The following MICAL2 variants were observed in gnomAD, a reference collection of about 807,000 sequenced individuals.
MICAL2 encodes [F-actin]-monooxygenase MICAL2.
MICAL2 carries 77 observed loss-of-function variants against 127.3 expected under a neutral mutation model. That is an observed-to-expected ratio of 0.60 (90% CI 0.50 to 0.73). MICAL2 has a LOEUF of 0.73. Ranked by LOEUF, MICAL2 falls within the 30% of genes least tolerant of loss-of-function variation. MICAL2 has a pLI of 0.00. For synonymous variants in MICAL2, 570 were observed against 551.1 expected (o/e 1.03, Z -0.48); for missense variants, 1,351 against 1,434.4 (o/e 0.94, Z 0.94).
At chr11:12,267,078 G>T (rs1456244303), downstream of MICAL2, among the ~76,000 whole-genome samples, 9 of 152,228 alleles carry the variant, frequency 5.9e-5, no homozygotes, top group Admixed American at 5.9e-4. Context: ...CCAGGTTTCT[G>T]ATTCCCCAGC....
At chr11:12,222,858 G>A in intron 11 of MICAL2, 115 bp downstream of exon 11, 1 of 1,333,206 alleles carries the variant, frequency 7.5e-7, no homozygotes, top group Non-Finnish European at 1.0e-6. Context: ...GGCCACCAAG[G>A]CCTGCTGGCC....
At chr11:12,172,712 A>C (rs1271675790) in intron 3 of MICAL2, among the ~76,000 whole-genome samples, 1 of 152,096 alleles carries the variant, frequency 6.6e-6, no homozygotes, top group Non-Finnish European at 1.5e-5. Flanking sequence ...CAGCAAACTG[A>C]GAGAGGCTCC....
At chr11:12,357,019 G>C (rs1025402556) in intron 34 of MICAL2, among the ~76,000 whole-genome samples, 2 of 152,216 alleles carry the variant, frequency 1.3e-5, no homozygotes, top group East Asian at 3.9e-4. Flanking sequence ...TGGAGAGACC[G>C]AGCATGGGGC....
intron 34 of MICAL2, among the ~76,000 whole-genome samples, chr11:12,357,979 A>C (rs1939154230): frequency 6.6e-6 from 1 of 152,118 alleles, no homozygotes; most frequent in South Asian, 2.1e-4. Context: ...TTGTTTTGTT[A>C]GCTTCTCTTT....
intron 21 of MICAL2, among the ~76,000 whole-genome samples, chr11:12,244,542 A>C (rs1434510103): frequency 2.0e-5 from 3 of 152,240 alleles, no homozygotes; most frequent in African/African-American, 7.2e-5. Flanking sequence ...ATTTCACATG[A>C]TAAACTTAAC....
rs372270366 is a variant in MICAL2, at chr11:12,278,077, GGT to G, written c.87+1913_87+1914del. Among the ~76,000 whole-genome samples the G allele has an allele frequency of 2.8e-3, 424 of 152,294 alleles. 1 individual carries two copies. Among genetic ancestry groups the G allele is most frequent in the African/African-American group, 9.9e-3 (411 of 41,538 alleles). On this transcript the variant is annotated intron_variant, in intron 1 of 2. Transcript: ENST00000529028. Reference sequence around the variant, plus strand: ...GCTCACAGGACTGGAAGTTGCTCTGGGTGAGTGAGTGGGTGAGTGGTGTGTGA... The same window carrying G: ...GCTCACAGGACTGGAAGTTGCTCTGGGAGTGAGTGGGTGAGTGGTGTGTGA...
intron 32 of MICAL2, among the ~76,000 whole-genome samples, chr11:12,343,990 T>A (rs10500756): frequency 0.03 from 4,525 of 152,290 alleles, 161 homozygotes; most frequent in Admixed American, 0.1. Context: ...ATTAAGCCCC[T>A]GCTTTTGAAA....
At chr11:12,273,091 C>T (rs185473809), upstream of MICAL2, among the ~76,000 whole-genome samples, 1 of 152,318 alleles carries the variant, frequency 6.6e-6, no homozygotes, top group East Asian at 1.9e-4. Flanking sequence ...AAAGGTCATG[C>T]GCAACAGTGT....
intron 6 of MICAL2, among the ~76,000 whole-genome samples, chr11:12,210,663 T>C (rs1855337239): frequency 6.6e-6 from 1 of 152,214 alleles, no homozygotes; most frequent in Admixed American, 6.5e-5. Context: ...GGTAAAAGTG[T>C]AAGTTAGAAT....
chr11:12,189,850 G>A (rs1453338568), intron 3 of MICAL2, among the ~76,000 whole-genome samples: 2 of 152,202 alleles, frequency 1.3e-5, no homozygotes, highest in African/African-American at 4.8e-5. Context: ...CTCCCAGCAG[G>A]CTGTGAGGGG....
intron 33 of MICAL2, among the ~76,000 whole-genome samples, chr11:12,352,613 G>T (rs1465058872): frequency 6.6e-6 from 1 of 152,240 alleles, no homozygotes; most frequent in East Asian, 1.9e-4. Flanking sequence ...TTTGGAGAAA[G>T]CCCTGAATGA....
At chr11:12,125,068 T>C (rs1850805750) in intron 1 of MICAL2, among the ~76,000 whole-genome samples, 1 of 152,262 alleles carries the variant, frequency 6.6e-6, no homozygotes, top group African/African-American at 2.4e-5. Flanking sequence ...CCACTGGGGC[T>C]TCCTGCGCTC....
rs199521593 is a variant in MICAL2 at position 12,241,175 on chromosome 11, C to G, written c.2337+13C>G. ...TCTGAAAAGGCAGGTAGGGCTCCTT[C>G]CAGTGGATGCTGTTTTGGTGAAGCC... On this transcript the variant is annotated intron_variant, in intron 18 of 27. Coordinates refer to ENST00000683283, the MANE Select transcript of MICAL2 (RefSeq NM_001282663.2). The G allele has an allele frequency of 3.5e-4, 560 of 1,610,500 alleles. No individual in the cohort carries two copies. The highest frequency in any genetic ancestry group is 4.3e-4 in the Non-Finnish European group (512 of 1,178,186).
chr11:12,266,591 G>A (rs1225555026), downstream of MICAL2, among the ~76,000 whole-genome samples: 33 of 152,226 alleles, frequency 2.2e-4, no homozygotes, highest in Admixed American at 2.2e-3. Context: ...CCTCCTTGTG[G>A]CAACCTTGCG....
rs1380187794 is a variant in MICAL2 at position 12,261,797 on chromosome 11, G to T, written c.3335-683G>T. 8.1e-6 allele frequency: 8 copies of T among 985,654 alleles called. No individual in the cohort carries two copies. In the African/African-American group the frequency reaches 1.2e-4, roughly 15 times the overall value. The allele number at this position is 985,654 out of a possible 1,614,324, so 61.1% of individuals were successfully genotyped here. On this transcript the variant is annotated intron_variant, in intron 26 of 27. Transcript: ENST00000683283. Reference sequence around the variant, plus strand: ...TGGCGCCTCTGTCCTTGTTGGCACTGTTCTCAGTCCGATGACTTGCATTGT... The same window carrying T: ...TGGCGCCTCTGTCCTTGTTGGCACTTTTCTCAGTCCGATGACTTGCATTGT...
At chr11:12,255,005 G>C (rs1243690798) in intron 22 of MICAL2, 1 of 137,666 alleles carries the variant, frequency 7.3e-6, no homozygotes, top group East Asian at 2.1e-4. Context: ...TGCAACCTCT[G>C]CCTCCCAGGT....
intron 14 of MICAL2, 104 bp downstream of exon 14, chr11:12,226,474 C>T: frequency 8.4e-7 from 1 of 1,192,106 alleles, no homozygotes; most frequent in Non-Finnish European, 1.2e-6. Context: ...TGGGGCTGCC[C>T]AGTGTGTTCC....
rs183364877 is a variant in MICAL2 at position 12,151,907 on chromosome 11, C to T, written c.-77-10172C>T. 2.9e-3 allele frequency among the ~76,000 whole-genome samples: 436 copies of T among 152,312 alleles called. 1 individual carries two copies. The Middle Eastern group carries it at 0.048, about 17-fold the overall frequency. On this transcript the variant is annotated intron_variant, in intron 2 of 27. Coordinates refer to ENST00000683283, the MANE Select transcript of MICAL2 (RefSeq NM_001282663.2). ...CAAAGACACCTCTCAGCTTAGCTTT[C>T]ACTGGTGGATTGGATGCTGTTCTCA...
At chr11:12,240,815 A>G (rs1432114644) in intron 17 of MICAL2, among the ~76,000 whole-genome samples, 3 of 152,358 alleles carry the variant, frequency 2.0e-5, no homozygotes, top group Non-Finnish European at 4.4e-5. Context: ...CACATTGTCC[A>G]TGAGAAGGGG....
Sources: gnomAD v4.1 joint callset for allele counts (sites outside exome capture counted in the v4.1 genomes callset) on GRCh38, gnomAD v4.1.1 for gene constraint, MANE v1.5 for transcripts, NCBI Gene and HGNC (gene_info 2026-07-23, HGNC 2026-07-21) for gene names.